P2RX7: variants seen among roughly 807,000 people sequenced by gnomAD.
P2RX7 encodes P2X purinoceptor 7.
A neutral mutation model predicts 71.6 loss-of-function variants in P2RX7; 62 were observed. The ratio of observed to expected loss-of-function variants is 0.87; its 90% confidence interval spans 0.71 to 1.07. P2RX7 has a LOEUF of 1.07. Ranked by LOEUF, P2RX7 falls within the 50% of genes least tolerant of loss-of-function variation. The pLI is 0.00. For synonymous variants in P2RX7, 299 were observed against 283.3 expected (o/e 1.06, Z -0.56); for missense variants, 686 against 748.5 (o/e 0.92, Z 0.97).
At chr12:121,152,404 C>G (rs1593041748) in intron 1 of P2RX7, among the ~76,000 whole-genome samples, 1 of 152,196 alleles carries the variant, frequency 6.6e-6, no homozygotes, top group African/African-American at 2.4e-5. Context: ...TCACAGCTTA[C>G]TATAGCCTTG....
intron 1 of P2RX7, among the ~76,000 whole-genome samples, chr12:121,143,056 T>G (rs1875318075): frequency 1.4e-5 from 2 of 142,972 alleles, no homozygotes; most frequent in Non-Finnish European, 1.5e-5. Context: ...ACTTCCAGCC[T>G]GGGGGACAGA....
intron 8 of P2RX7, among the ~76,000 whole-genome samples, chr12:121,174,048 C>CTTTTTTTTTTTTTTTTTTTTTTTTTT (rs141344773): frequency 1.4e-5 from 1 of 73,912 alleles, no homozygotes; most frequent in Non-Finnish European, 2.8e-5. Context: ...CTTTTCTTTT[C>CTTTTTTTTTTTTTTTTTTTTTTTTTT]TTTTTTTTTT....
intron 1 of P2RX7, among the ~76,000 whole-genome samples, chr12:121,144,179 G>T (rs11065452): frequency 0.098 from 14,901 of 152,038 alleles, 1,222 homozygotes; most frequent in East Asian, 0.25. Flanking sequence ...TAGAAACCCT[G>T]CCCAATAGAA....
At position 121,150,378 on chromosome 12, in the gene P2RX7, T is replaced by A. The variant is rs532161411; in HGVS notation, c.126-4407T>A. On this transcript the variant is annotated intron_variant, in intron 1 of 12. Coordinates refer to ENST00000328963, the MANE Select transcript of P2RX7 (RefSeq NM_002562.6). ...AAATATGAGAGATCAGAATTGAGCT[T>A]CCCAAATGGTGGGTCACATGACCCA... 3.9e-4 allele frequency among the ~76,000 whole-genome samples: 60 copies of A among 152,356 alleles called. No individual in the cohort carries two copies. In the South Asian group the frequency reaches 0.012, roughly 29 times the overall value.
intron 8 of P2RX7, among the ~76,000 whole-genome samples, chr12:121,168,736 C>G (rs903917420): frequency 6.6e-6 from 1 of 152,182 alleles, no homozygotes; most frequent in Non-Finnish European, 1.5e-5. Context: ...CACTCACACT[C>G]CATCCCTTCC....
At chr12:121,166,435 A>C (rs990202126) in intron 7 of P2RX7, among the ~76,000 whole-genome samples, 1 of 152,216 alleles carries the variant, frequency 6.6e-6, no homozygotes, top group Non-Finnish European at 1.5e-5. Context: ...ATCAAAGCTT[A>C]GTGGCTTCAA....
At chr12:121,151,218 A>G (rs1036342327) in intron 1 of P2RX7, among the ~76,000 whole-genome samples, 19 of 151,622 alleles carry the variant, frequency 1.3e-4, no homozygotes, top group Non-Finnish European at 2.5e-4. Context: ...TGGGCAACAT[A>G]GCAAGACTCC....
chr12:121,146,344 A>G (rs1261235496), intron 1 of P2RX7, among the ~76,000 whole-genome samples: 1 of 113,850 alleles, frequency 8.8e-6, no homozygotes, highest in African/African-American at 3.5e-5. Context: ...CCCAGGCTGG[A>G]GGGCATGGCA....
At position 121,186,322 on chromosome 12, in the gene P2RX7, AT is replaced by A. The variant is rs1884887801; in HGVS notation, c.*1523del. 6.6e-6 allele frequency: 1 copy of A among 152,252 alleles called. No homozygotes were observed. Among genetic ancestry groups the A allele is most frequent in the South Asian group, 2.1e-4 (1 of 4,834 alleles). The allele number at this position is 152,252 out of a possible 1,614,324, so 9.4% of individuals were successfully genotyped here. A position where few individuals can be genotyped will look rare whatever the true frequency, so the allele number is the denominator to read the frequency against. ...TCTTAAGTCCCTAAGTTTGGGGCTTATTTGTTCCACAGCAACAGGTAACTGG... is the reference window on the plus strand; with the variant it reads ...TCTTAAGTCCCTAAGTTTGGGGCTTATTGTTCCACAGCAACAGGTAACTGG... On this transcript the variant is annotated 3_prime_UTR_variant, in exon 13 of 13. Transcript: ENST00000328963.
chr12:121,167,800 C>T (rs1055666165), intron 8 of P2RX7, among the ~76,000 whole-genome samples, 176 bp downstream of exon 8: 2 of 151,246 alleles, frequency 1.3e-5, no homozygotes, highest in Non-Finnish European at 2.9e-5. Context: ...GAGATGCACA[C>T]TCTTTATTTT....
chr12:121,171,581 G>T (rs556578697), intron 8 of P2RX7, among the ~76,000 whole-genome samples: 1 of 151,954 alleles, frequency 6.6e-6, no homozygotes, highest in South Asian at 2.1e-4. Context: ...TGCAAACACT[G>T]TATTTCCAAA....
chr12:121,152,182 T>C (rs1013826501), intron 1 of P2RX7, among the ~76,000 whole-genome samples: 1 of 152,096 alleles, frequency 6.6e-6, no homozygotes, highest in African/African-American at 2.4e-5. Flanking sequence ...GGTTTCACCA[T>C]GTTGGTCATG....
At chr12:121,145,303 T>G (rs939875532) in intron 1 of P2RX7, among the ~76,000 whole-genome samples, 1 of 152,148 alleles carries the variant, frequency 6.6e-6, no homozygotes, top group African/African-American at 2.4e-5. Context: ...ATGGTCACAG[T>G]CAGTGTCAAC....
intron 3 of P2RX7, 92 bp from the exon 4 acceptor site, chr12:121,160,810 C>T (rs1288220528): frequency 1.5e-5 from 16 of 1,062,344 alleles, no homozygotes; most frequent in African/African-American, 3.1e-5. Flanking sequence ...TATAAGCATT[C>T]GTGTGCACAT....
In P2RX7 at chr12:121,177,892, T is replaced by C. The variant is rs972677825; in HGVS notation, c.1188+446T>C. Among the ~76,000 whole-genome samples the C allele has an allele frequency of 2.6e-5, 4 of 152,078 alleles. No homozygotes were observed. The South Asian group carries it at 6.2e-4, about 24-fold the overall frequency. On this transcript the variant is annotated intron_variant, in intron 11 of 12. Transcript: ENST00000328963. The stretch of plus-strand genomic sequence containing the variant: ...CACCACCACACCTGGCTAATTTTTG[T>C]ATTTTTAGTAGAGATGGTGTTTAGC...
chr12:121,165,520 A>G (rs1880841957), intron 6 of P2RX7, 83 bp downstream of exon 6: 2 of 1,101,590 alleles, frequency 1.8e-6, no homozygotes, highest in Non-Finnish European at 2.7e-6. Flanking sequence ...CTGAAACAAC[A>G]AACGCCTATT....
At chr12:121,158,032 G>A (rs1878944397) in intron 3 of P2RX7, among the ~76,000 whole-genome samples, 1 of 152,018 alleles carries the variant, frequency 6.6e-6, no homozygotes, top group Admixed American at 6.5e-5. Context: ...TGACTCTTTG[G>A]GATTTTAACT....
intron 1 of P2RX7, chr12:121,148,948 C>T: frequency 2.4e-6 from 1 of 421,814 alleles, no homozygotes; most frequent in Non-Finnish European, 4.6e-6. Flanking sequence ...CTAAGAGATA[C>T]AAGGGATACA....
chr12:121,146,607 G>A (rs1169738), intron 1 of P2RX7, among the ~76,000 whole-genome samples: 7,427 of 152,174 alleles, frequency 0.049, 302 homozygotes, highest in African/African-American at 0.11. Flanking sequence ...CTCTGAAGAG[G>A]CAGTGTGCAC....
Sources: allele counts gnomAD v4.1 joint callset (sites outside exome capture counted in the v4.1 genomes callset), GRCh38; gene constraint gnomAD v4.1.1; transcripts MANE v1.5; gene names NCBI Gene and HGNC (gene_info 2026-07-23, HGNC 2026-07-21).